MRPL4: variants seen among roughly 807,000 people sequenced by gnomAD.
MRPL4 encodes mitochondrial ribosomal protein L4, also known as large ribosomal subunit protein uL4m.
Under a neutral mutation model 34.1 loss-of-function variants are expected in MRPL4, and 34 were observed. The observed-to-expected ratio is 1.00, with a 90% CI of 0.76 to 1.33. The LOEUF (loss-of-function observed/expected upper bound fraction) is 1.33, where lower values mean the gene tolerates loss of function less well. Ranked by LOEUF, MRPL4 falls within the 40% of genes most tolerant of loss-of-function variation. The pLI, the probability that MRPL4 is intolerant of heterozygous loss-of-function variation, is 0.00. For synonymous variants in MRPL4, 196 were observed against 188.3 expected, an observed-to-expected ratio of 1.04 and a Z score of -0.33; for missense variants, 402 against 434.6, an observed-to-expected ratio of 0.92 and a Z score of 0.67.
intron 1 of MRPL4, 42 bp from the exon 2 acceptor site, chr19:10,252,355 G>A (rs371837873): frequency 2.0e-5 from 32 of 1,613,522 alleles, no homozygotes; most frequent in Middle Eastern, 3.3e-4. Flanking sequence ...GAAATTTGGG[G>A]GTGTCCAGGG....
At chr19:10,257,171 G>A (rs1018602842) in intron 5 of MRPL4, among the ~76,000 whole-genome samples, 3 of 152,078 alleles carry the variant, frequency 2.0e-5, no homozygotes, top group Middle Eastern at 3.4e-3. Context: ...CCTGAACTCC[G>A]GACCTCGGCC....
At position 10,260,009 on chromosome 19, in the gene MRPL4, CT is replaced by C. The variant is rs1293121840; in HGVS notation, c.*201del. ...AGACGGGCTTCTGCATCCATTCCCT[CT>C]TTTTGTTTTTAAAATAAATTGTATT... On this transcript the variant is annotated 3_prime_UTR_variant, in exon 9 of 9. Coordinates refer to ENST00000253099, the MANE Select transcript of MRPL4 (RefSeq NM_015956.3). 1 of 464,188 alleles carries C rather than the reference CT, an allele frequency of 2.2e-6. No individual in the cohort carries two copies. Among genetic ancestry groups the C allele is most frequent in the African/African-American group, 2.0e-5 (1 of 49,512 alleles). 28.8% of individuals were successfully genotyped at this position (464,188 alleles called of 1,614,324 possible). A position where few individuals can be genotyped will look rare whatever the true frequency, so the allele number is the denominator to read the frequency against.
intron 3 of MRPL4, 54 bp from the exon 4 acceptor site, chr19:10,254,535 G>A (rs1371348799): frequency 5.0e-6 from 8 of 1,602,142 alleles, no homozygotes; most frequent in African/African-American, 4.0e-5. Context: ...CCTATAGTGG[G>A]GTGGGAGCGT....
chr19:10,258,372 G>A (rs200115315), intron 6 of MRPL4, 41 bp from the exon 7 acceptor site: 38 of 1,613,416 alleles, frequency 2.4e-5, no homozygotes, highest in Non-Finnish European at 3.1e-5. Context: ...AGGTGGGGCT[G>A]CTCTGGACCC....
At chr19:10,258,046 G>A (rs1278153593) in intron 5 of MRPL4, among the ~76,000 whole-genome samples, 176 bp from the exon 6 acceptor site, 1 of 152,052 alleles carries the variant, frequency 6.6e-6, no homozygotes, top group African/African-American at 2.4e-5. Flanking sequence ...GCCCAGTGAA[G>A]CAAAGTCACT....
chr19:10,259,854 A>C lies in MRPL4; in HGVS notation c.*41A>C, dbSNP rs2039896198. 6.4e-7 allele frequency: 1 copy of C among 1,551,694 alleles called. No homozygotes were observed. ...CTGAGCCAGGCCGAGCCCCTGGCCG[A>C]CTTGGGAGCCTCAGGCCCACGCCCA... On this transcript the variant is annotated 3_prime_UTR_variant, in exon 9 of 9. Transcript: ENST00000253099.
intron 3 of MRPL4, among the ~76,000 whole-genome samples, chr19:10,253,556 C>G (rs1320939798): frequency 6.6e-6 from 1 of 151,418 alleles, no homozygotes; most frequent in Non-Finnish European, 1.5e-5. Flanking sequence ...ATTGGGAGGC[C>G]GAGGTGGGCG....
chr19:10,255,594 G>A (rs911108802), intron 4 of MRPL4: 1 of 152,680 alleles, frequency 6.5e-6, no homozygotes, highest in African/African-American at 2.4e-5. Context: ...TGGGAGCAGT[G>A]GGGAGGAGTC....
intron 3 of MRPL4, among the ~76,000 whole-genome samples, chr19:10,254,018 G>T (rs550188626): frequency 6.6e-6 from 1 of 152,126 alleles, no homozygotes; most frequent in South Asian, 2.1e-4. Context: ...AAGGAAGAAG[G>T]GGTGGCTTTT....
intron 3 of MRPL4, among the ~76,000 whole-genome samples, chr19:10,253,547 T>C (rs1403844957): frequency 2.0e-5 from 3 of 150,758 alleles, no homozygotes; most frequent in African/African-American, 4.9e-5. Flanking sequence ...TCCCAGCACA[T>C]TGGGAGGCCG....
Position 10,258,212 on chromosome 19 carries a change from G to A in MRPL4, c.446-10G>A, listed in dbSNP as rs1344791901. 1 of 1,602,030 alleles carries A rather than the reference G, an allele frequency of 6.2e-7. No homozygotes were observed. Among genetic ancestry groups the A allele is most frequent in the Non-Finnish European group, 8.5e-7 (1 of 1,169,620 alleles). ...GGCCCCTACCTGCTCACATGCCTCTGTCCCCGCAGGAGGTGTTGCCCATGG... is the reference window on the plus strand; with the variant it reads ...GGCCCCTACCTGCTCACATGCCTCTATCCCCGCAGGAGGTGTTGCCCATGG... On this transcript the variant is annotated splice_polypyrimidine_tract_variant and intron_variant, in intron 5 of 8. Coordinates refer to ENST00000253099, the MANE Select transcript of MRPL4 (RefSeq NM_015956.3).
intron 3 of MRPL4, among the ~76,000 whole-genome samples, chr19:10,253,575 G>A (rs2039820250): frequency 6.6e-6 from 1 of 151,660 alleles, no homozygotes; most frequent in Non-Finnish European, 1.5e-5. Flanking sequence ...CGGATCACTT[G>A]AAACCAGGAG....
Position 10,258,253 on chromosome 19 carries a change from A to G in MRPL4, c.477A>G (p.Thr159=). The G allele has an allele frequency of 6.2e-7, 1 of 1,613,908 alleles. No homozygotes were observed. The highest frequency in any genetic ancestry group is 8.5e-7 in the Non-Finnish European group (1 of 1,179,960). The change falls in exon 6 of 9, where the codon ACA becomes ACG. Residue 159 remains threonine, a synonymous_variant. Transcript: ENST00000253099. Reference sequence around the variant, plus strand: ...TTGCCCATGGCCCCCGGGGCCCCACAAGTTACTACTACATGCTGCCCATGA... The same window carrying G: ...TTGCCCATGGCCCCCGGGGCCCCACGAGTTACTACTACATGCTGCCCATGA... ...GGVAHGPRGP[T]SYYYMLPMKV... is the part of the protein sequence containing the mutation.
At chr19:10,257,656 T>G (rs955754952) in intron 5 of MRPL4, among the ~76,000 whole-genome samples, 1 of 152,100 alleles carries the variant, frequency 6.6e-6, no homozygotes, top group Non-Finnish European at 1.5e-5. Flanking sequence ...CAGATCATAC[T>G]GCTTGCTCCA....
chr19:10,253,386 A>G (rs911824770), intron 3 of MRPL4, among the ~76,000 whole-genome samples: 5 of 149,894 alleles, frequency 3.3e-5, no homozygotes, highest in Non-Finnish European at 4.4e-5. Context: ...GGCTGAGGCA[A>G]GAGAATGGCG....
Position 10,252,313 on chromosome 19 carries a change from G to T in MRPL4, c.57+3G>T, listed in dbSNP as rs1246795631. 2 of 1,610,538 alleles carry T rather than the reference G, an allele frequency of 1.2e-6. No homozygotes were observed. ...GGCTTCGGCCTACCGGCAGCCAGGT[G>T]AGGCCAGGGGCTGGAGGCGTGGTCG... On this transcript the variant is annotated splice_donor_region_variant and intron_variant, in intron 1 of 8. Coordinates refer to ENST00000253099, the MANE Select transcript of MRPL4 (RefSeq NM_015956.3).
rs777239361 is a variant in MRPL4, at chr19:10,258,214, C to G, written c.446-8C>G. On this transcript the variant is annotated splice_polypyrimidine_tract_variant and splice_region_variant and intron_variant, in intron 5 of 8. Coordinates refer to ENST00000253099, the MANE Select transcript of MRPL4 (RefSeq NM_015956.3). ...CCCCTACCTGCTCACATGCCTCTGTCCCCGCAGGAGGTGTTGCCCATGGCC... is the reference window on the plus strand; with the variant it reads ...CCCCTACCTGCTCACATGCCTCTGTGCCCGCAGGAGGTGTTGCCCATGGCC... The G allele has an allele frequency of 3.1e-6, 5 of 1,603,314 alleles. No homozygotes were observed. Among genetic ancestry groups the G allele is most frequent in the South Asian group, 2.2e-5 (2 of 90,808 alleles).
chr19:10,256,183 G>A (rs1463253094), intron 4 of MRPL4, among the ~76,000 whole-genome samples: 1 of 152,136 alleles, frequency 6.6e-6, no homozygotes, highest in Non-Finnish European at 1.5e-5. Flanking sequence ...CTACTCTGGA[G>A]GCTGAGACAG....
chr19:10,259,158 T>C, intron 8 of MRPL4: 4 of 1,238,214 alleles, frequency 3.2e-6, no homozygotes, highest in Non-Finnish European at 3.0e-6. Flanking sequence ...AGCCACAGTC[T>C]GTTCCTTCCA....
Sources: allele counts gnomAD v4.1 joint callset (sites outside exome capture counted in the v4.1 genomes callset), GRCh38; gene constraint gnomAD v4.1.1; transcripts MANE v1.5; gene names NCBI Gene and HGNC (gene_info 2026-07-23, HGNC 2026-07-21).